The following FSTL5 variants were observed in gnomAD, a reference collection of about 807,000 sequenced individuals.
FSTL5 encodes the protein follistatin like 5.
FSTL5 carries 62 observed loss-of-function variants against 89.1 expected under a neutral mutation model. The observed-to-expected ratio is 0.70, with a 90% confidence interval of 0.57 to 0.86. The LOEUF (loss-of-function observed/expected upper bound fraction) is 0.86, where lower values mean the gene tolerates loss of function less well. Ranked by LOEUF, FSTL5 falls within the 40% of genes least tolerant of loss-of-function variation. The probability of loss-of-function intolerance (pLI) is 0.00; values close to 1 mark genes in which losing one functional copy is unlikely to be tolerated. For missense variants in FSTL5, 1,057 were observed against 1,001.6 expected (o/e 1.06, Z -0.75); for synonymous variants, 383 against 346.2 (o/e 1.11, Z -1.18).
At chr4:161,828,058 C>G (rs1579121594) in intron 4 of FSTL5, among the ~76,000 whole-genome samples, 1 of 152,182 alleles carries the variant, frequency 6.6e-6, no homozygotes, top group Non-Finnish European at 1.5e-5. Context: ...CCTCTGGTAG[C>G]CCTCCCCAAG....
intron 7 of FSTL5, among the ~76,000 whole-genome samples, chr4:161,594,101 C>T (rs1023290853): frequency 1.3e-5 from 2 of 151,882 alleles, no homozygotes; most frequent in Non-Finnish European, 2.9e-5. Context: ...AAATAATTAC[C>T]GATGGCCAGA....
rs1197879684 is a variant in FSTL5, at chr4:161,538,431, T to A, written c.1178-131A>T. 3 of 952,036 alleles carry A rather than the reference T, an allele frequency of 3.2e-6. No homozygotes were observed. In the Admixed American group the frequency reaches 6.4e-5, roughly 20 times the overall value. 59.0% of individuals were successfully genotyped at this position (952,036 alleles called of 1,614,324 possible). A position where few individuals can be genotyped will look rare whatever the true frequency, so the allele number is the denominator to read the frequency against. ...TGTTTCCCTTCCTACTTCCATACTT[T>A]GAAGGCATGCCAAATTATTCCAGAA... On this transcript the variant is annotated intron_variant, in intron 9 of 15. Coordinates refer to ENST00000306100, the MANE Select transcript of FSTL5 (RefSeq NM_020116.5).
chr4:161,860,287 C>CAAAA (rs1731870639), intron 4 of FSTL5, among the ~76,000 whole-genome samples: 1 of 13,808 alleles, frequency 7.2e-5, no homozygotes, highest in South Asian at 1.4e-3. Context: ...GACTCCGTCT[C>CAAAA]AAACAAACAA....
At chr4:161,923,525 A>T (rs1402835879) in intron 3 of FSTL5, among the ~76,000 whole-genome samples, 1 of 151,828 alleles carries the variant, frequency 6.6e-6, no homozygotes, top group Non-Finnish European at 1.5e-5. Context: ...TCACATATTT[A>T]TATTTTGTAT....
intron 7 of FSTL5, among the ~76,000 whole-genome samples, chr4:161,602,322 T>C (rs903930241): frequency 6.9e-6 from 1 of 145,454 alleles, no homozygotes; most frequent in Admixed American, 6.9e-5. Context: ...CTTGGAAGAC[T>C]TATCAGTAGT....
intron 15 of FSTL5, among the ~76,000 whole-genome samples, chr4:161,451,535 T>C (rs138238116): frequency 6.0e-4 from 91 of 152,314 alleles, no homozygotes; most frequent in African/African-American, 2.0e-3. Context: ...CAACAACTAG[T>C]GAGCAACTGA....
intron 4 of FSTL5, among the ~76,000 whole-genome samples, chr4:161,887,293 T>C (rs1199841053): frequency 1.3e-5 from 2 of 152,100 alleles, no homozygotes; most frequent in South Asian, 4.1e-4. Context: ...TACTGTTAAG[T>C]TTGTTTCATC....
At chr4:162,062,659 T>C (rs1405014397) in intron 2 of FSTL5, among the ~76,000 whole-genome samples, 1 of 151,160 alleles carries the variant, frequency 6.6e-6, no homozygotes, top group Non-Finnish European at 1.5e-5. Flanking sequence ...ATATTTTAAA[T>C]ATCTTTCTCA....
intron 4 of FSTL5, among the ~76,000 whole-genome samples, chr4:161,860,843 C>T (rs1267730891): frequency 6.6e-6 from 1 of 152,074 alleles, no homozygotes; most frequent in African/African-American, 2.4e-5. Context: ...CCTCATAGCC[C>T]AAGAAATCTT....
intron 7 of FSTL5, among the ~76,000 whole-genome samples, chr4:161,634,115 T>C (rs1735602400): frequency 6.6e-6 from 1 of 152,204 alleles, no homozygotes; most frequent in Non-Finnish European, 1.5e-5. Flanking sequence ...AATTAAATAG[T>C]TTCTGGATGG....
chr4:161,999,563 A>G (rs143468369), intron 3 of FSTL5, among the ~76,000 whole-genome samples: 8 of 152,288 alleles, frequency 5.3e-5, no homozygotes, highest in Non-Finnish European at 1.2e-4. Flanking sequence ...TCACTAACAT[A>G]TTTGTACTCA....
chr4:162,062,410 T>C (rs1738750564), intron 2 of FSTL5, among the ~76,000 whole-genome samples: 1 of 151,912 alleles, frequency 6.6e-6, no homozygotes, highest in African/African-American at 2.4e-5. Context: ...CCAATTTCTA[T>C]TGGAATTTCC....
At chr4:161,828,144 T>C (rs1488459490) in intron 4 of FSTL5, among the ~76,000 whole-genome samples, 1 of 152,214 alleles carries the variant, frequency 6.6e-6, no homozygotes, top group East Asian at 1.9e-4. Context: ...CTGTCGGGTC[T>C]TCTATCACTA....
At chr4:161,896,901 A>G (rs1733174243) in intron 4 of FSTL5, among the ~76,000 whole-genome samples, 1 of 152,138 alleles carries the variant, frequency 6.6e-6, no homozygotes, top group Admixed American at 6.5e-5. Flanking sequence ...GACTAAAGAT[A>G]CCATTGGCAT....
chr4:161,422,924 T>C (rs745529482), intron 15 of FSTL5, among the ~76,000 whole-genome samples: 5 of 152,230 alleles, frequency 3.3e-5, no homozygotes, highest in South Asian at 2.1e-4. Context: ...ATTACACTTA[T>C]TACCTAGTAC....
intron 3 of FSTL5, among the ~76,000 whole-genome samples, chr4:162,013,849 T>C (rs1312185748): frequency 6.6e-6 from 1 of 151,898 alleles, no homozygotes; most frequent in Non-Finnish European, 1.5e-5. Flanking sequence ...AACTTATCCA[T>C]AGGCATTAAA....
At chr4:161,562,975 A>AAT (rs1732659575) in intron 8 of FSTL5, among the ~76,000 whole-genome samples, 1 of 152,010 alleles carries the variant, frequency 6.6e-6, no homozygotes, top group Non-Finnish European at 1.5e-5. Context: ...CATATTGCAT[A>AAT]ATGGTCTTCC....
In FSTL5 at chr4:161,620,220, A is replaced by G. The variant is rs1477250210; in HGVS notation, c.895-32645T>C. Reference sequence around the variant, plus strand: ...GGGGGGAGGGGGGAGGGATAGCTTTAGGAGATATACCTAATGCTAAATGAC... The same window carrying G: ...GGGGGGAGGGGGGAGGGATAGCTTTGGGAGATATACCTAATGCTAAATGAC... On this transcript the variant is annotated intron_variant, in intron 7 of 15. Coordinates refer to ENST00000306100, the MANE Select transcript of FSTL5 (RefSeq NM_020116.5). 3.3e-5 allele frequency among the ~76,000 whole-genome samples: 5 copies of G among 150,338 alleles called. No homozygotes were observed. In the South Asian group the frequency reaches 1.1e-3, roughly 32 times the overall value.
intron 6 of FSTL5, among the ~76,000 whole-genome samples, chr4:161,685,039 T>C (rs940796159): frequency 5.3e-5 from 8 of 152,306 alleles, no homozygotes; most frequent in African/African-American, 1.9e-4. Context: ...GTTTGCTTTG[T>C]CGAAGATCAG....
Sources: gnomAD v4.1 joint callset for allele counts (sites outside exome capture counted in the v4.1 genomes callset) on GRCh38, gnomAD v4.1.1 for gene constraint, MANE v1.5 for transcripts, NCBI Gene and HGNC (gene_info 2026-07-23, HGNC 2026-07-21) for gene names.